The following CAST variants were observed in gnomAD, a reference collection of about 807,000 sequenced individuals.
CAST encodes the protein calpastatin.
In CAST, 76 loss-of-function variants were observed where a neutral mutation model predicts 119.6. The ratio of observed to expected loss-of-function variants is 0.64; its 90% CI spans 0.53 to 0.77. CAST has a LOEUF of 0.77. Ranked by LOEUF, CAST falls within the 30% of genes least tolerant of loss-of-function variation. The pLI is 0.00. For missense variants in CAST, 953 were observed against 946.5 expected (o/e 1.01, Z -0.09); for synonymous variants, 319 against 331.6 (o/e 0.96, Z 0.41).
At chr5:96,232,688 A>G in the CAST span, among the ~76,000 whole-genome samples, 497 of 152,242 alleles carry the variant, frequency 3.3e-3, 1 homozygote, top group African/African-American at 0.011. Context: ...AAAGAAAGAG[A>G]AATTATAAGG....
chr5:96,627,234 TTTC>T (rs1159787816), intron 1 of CAST, among the ~76,000 whole-genome samples: 1 of 152,164 alleles, frequency 6.6e-6, no homozygotes, highest in Non-Finnish European at 1.5e-5. Flanking sequence ...TTAGCACACA[TTTC>T]TTAACAGGCA....
intron 1 of CAST, among the ~76,000 whole-genome samples, chr5:96,622,372 A>T (rs1294643240): frequency 1.3e-5 from 2 of 152,184 alleles, no homozygotes; most frequent in African/African-American, 4.8e-5. Flanking sequence ...GCTGCCAATG[A>T]TTTTGAAAAA....
At chr5:96,492,378 C>T in the CAST span, among the ~76,000 whole-genome samples, 11 of 152,146 alleles carry the variant, frequency 7.2e-5, no homozygotes, top group Non-Finnish European at 1.2e-4. Flanking sequence ...ATTAGTCTCT[C>T]TAGTTTTGTA....
chr5:96,375,908 T>A, the CAST span, among the ~76,000 whole-genome samples: 1 of 146,976 alleles, frequency 6.8e-6, no homozygotes, highest in African/African-American at 2.5e-5. Context: ...TCTATATATA[T>A]ATATAAATAT....
the CAST span, among the ~76,000 whole-genome samples, chr5:96,258,923 A>G: frequency 6.6e-6 from 1 of 152,222 alleles, no homozygotes; most frequent in Admixed American, 6.5e-5. Flanking sequence ...GAGGTGTCAT[A>G]ATACAATATA....
the CAST span, among the ~76,000 whole-genome samples, chr5:96,180,719 A>G: frequency 6.6e-4 from 100 of 152,366 alleles, 2 homozygotes; most frequent in African/African-American, 2.4e-3. Context: ...TCACAATTTC[A>G]AGTAAAATAG....
the CAST span, among the ~76,000 whole-genome samples, chr5:96,094,554 C>A: frequency 6.6e-6 from 1 of 151,956 alleles, no homozygotes; most frequent in South Asian, 2.1e-4. Context: ...CTAATGCCAG[C>A]AAACATTTAT....
At chr5:96,374,515 A>G in the CAST span, among the ~76,000 whole-genome samples, 4 of 152,222 alleles carry the variant, frequency 2.6e-5, no homozygotes. Context: ...TAAGGAGAAT[A>G]CTGTACTATG....
At chr5:96,548,945 G>A (rs1364191358) in intron 1 of CAST, among the ~76,000 whole-genome samples, 1 of 152,202 alleles carries the variant, frequency 6.6e-6, no homozygotes, top group Admixed American at 6.5e-5. Flanking sequence ...GACCAGGCCT[G>A]GCAAGCCTGA....
intron 1 of CAST, among the ~76,000 whole-genome samples, chr5:96,609,615 T>C (rs261202): frequency 0.35 from 52,529 of 152,116 alleles, 10,372 homozygotes; most frequent in Admixed American, 0.44. Context: ...CTGTTGGTAC[T>C]GTGACTTCCA....
chr5:96,557,206 G>C (rs2150183544), intron 1 of CAST, among the ~76,000 whole-genome samples: 1 of 152,128 alleles, frequency 6.6e-6, no homozygotes, highest in South Asian at 2.1e-4. Flanking sequence ...GCTCCTGAAG[G>C]AAGCACTAAA....
At chr5:96,150,152 A>G in the CAST span, among the ~76,000 whole-genome samples, 2 of 152,188 alleles carry the variant, frequency 1.3e-5, no homozygotes, top group Admixed American at 1.3e-4. Flanking sequence ...GCCCACAAAC[A>G]AGTGTAACAG....
At chr5:96,745,722 G>A (rs1763625619) in intron 16 of CAST, among the ~76,000 whole-genome samples, 1 of 152,162 alleles carries the variant, frequency 6.6e-6, no homozygotes, top group South Asian at 2.1e-4. Context: ...AGTTGTTCAT[G>A]GTTCAGTAAG....
chr5:96,714,078 A>T (rs1756744016), intron 3 of CAST, among the ~76,000 whole-genome samples: 2 of 152,146 alleles, frequency 1.3e-5, no homozygotes, highest in Non-Finnish European at 2.9e-5. Flanking sequence ...AATAAAAATC[A>T]CTGCTGTCTA....
At chr5:96,356,896 G>A in the CAST span, among the ~76,000 whole-genome samples, 1 of 152,168 alleles carries the variant, frequency 6.6e-6, no homozygotes, top group Non-Finnish European at 1.5e-5. Flanking sequence ...GATGTGGATA[G>A]CATTGAGTCT....
chr5:96,082,657 A>T, the CAST span, among the ~76,000 whole-genome samples: 2 of 152,034 alleles, frequency 1.3e-5, no homozygotes, highest in African/African-American at 4.8e-5. Flanking sequence ...TTAGTTATAC[A>T]TTTTTTTTAA....
chr5:96,620,346 A>G (rs924395677), intron 1 of CAST, among the ~76,000 whole-genome samples: 7 of 150,054 alleles, frequency 4.7e-5, no homozygotes, highest in African/African-American at 1.7e-4. Context: ...GTGATGGTAT[A>G]AAAGTGATAC....
chr5:96,162,200 A>G, the CAST span, among the ~76,000 whole-genome samples: 1 of 152,222 alleles, frequency 6.6e-6, no homozygotes, highest in East Asian at 1.9e-4. Flanking sequence ...TGCTGTTGGG[A>G]GTAAAGCATT....
the CAST span, among the ~76,000 whole-genome samples, chr5:96,062,709 C>A: frequency 6.6e-6 from 1 of 152,080 alleles, no homozygotes; most frequent in African/African-American, 2.4e-5. Flanking sequence ...CTGCTGCTAC[C>A]CAATGGGGGT....
Sources: allele counts gnomAD v4.1 joint callset (sites outside exome capture counted in the v4.1 genomes callset), GRCh38; gene constraint gnomAD v4.1.1; transcripts MANE v1.5; gene names NCBI Gene and HGNC (gene_info 2026-07-23, HGNC 2026-07-21).